GMFG: variants seen among roughly 807,000 people sequenced by gnomAD.
GMFG encodes glia maturation factor gamma.
GMFG carries 21 observed loss-of-function variants against 26.1 expected under a neutral mutation model. The observed-to-expected ratio is 0.80, with a 90% CI of 0.57 to 1.16. The LOEUF (loss-of-function observed/expected upper bound fraction) is 1.16. GMFG is among the 50% of genes most tolerant of loss of function. The probability of loss-of-function intolerance (pLI) is 0.00; values close to 1 mark genes in which losing one functional copy is unlikely to be tolerated. For missense variants in GMFG, 161 were observed against 178.3 expected (o/e 0.90, Z 0.55); for synonymous variants, 65 against 60.8 (o/e 1.07, Z -0.32).
intron 4 of GMFG, among the ~76,000 whole-genome samples, chr19:39,332,656 C>CTTTTTTTT (rs59277772): frequency 1.8e-5 from 2 of 111,298 alleles, no homozygotes; most frequent in African/African-American, 3.5e-5. Flanking sequence ...CACAGAGATT[C>CTTTTTTTT]TTTTTTTTTT....
intron 4 of GMFG, 122 bp downstream of exon 4, chr19:39,332,955 G>T: frequency 1.7e-6 from 1 of 591,284 alleles, no homozygotes. Flanking sequence ...CACCTCACTC[G>T]GCCAAACACA....
intron 4 of GMFG, 128 bp downstream of exon 4, chr19:39,332,949 T>A: frequency 1.8e-6 from 1 of 550,664 alleles, no homozygotes; most frequent in Non-Finnish European, 3.4e-6. Flanking sequence ...ATGAGCCACC[T>A]CACTCGGCCA....
Position 39,335,175 on chromosome 19 carries a change from T to A in GMFG, c.150+86A>T, listed in dbSNP as rs1299780887. ...CAATCTCCAGGTCTTTCTACCCCCA[T>A]GCCAGGCTCTTCATATCAGTTCCAA... On this transcript the variant is annotated intron_variant, in intron 3 of 6. Coordinates refer to ENST00000597595, the MANE Select transcript of GMFG (RefSeq NM_004877.4). The A allele has an allele frequency of 4.7e-6, 5 of 1,058,242 alleles. No individual in the cohort carries two copies. In the Admixed American group the frequency reaches 1.2e-4, roughly 25 times the overall value. The allele number at this position is 1,058,242 out of a possible 1,614,324, so 65.6% of individuals were successfully genotyped here.
At chr19:39,334,641 T>TC (rs1472198857) in intron 3 of GMFG, among the ~76,000 whole-genome samples, 1 of 152,164 alleles carries the variant, frequency 6.6e-6, no homozygotes, top group African/African-American at 2.4e-5. Flanking sequence ...ATTAAGATCA[T>TC]CATCACCTTA....
chr19:39,332,285 G>A (rs151114952), intron 4 of GMFG, among the ~76,000 whole-genome samples: 2,733 of 150,452 alleles, frequency 0.018, 38 homozygotes, highest in Non-Finnish European at 0.028. Flanking sequence ...AGTCAAGATC[G>A]CGCCACTGCA....
chr19:39,332,831 G>A (rs1478949862), intron 4 of GMFG: 2 of 288,784 alleles, frequency 6.9e-6, no homozygotes, highest in Non-Finnish European at 6.7e-6. Context: ...GTTAATTTTT[G>A]TATTTTTAGT....
chr19:39,333,220 G>C (rs879780884), intron 3 of GMFG, 94 bp from the exon 4 acceptor site: 1 of 604,788 alleles, frequency 1.7e-6, no homozygotes, highest in Admixed American at 2.8e-5. Flanking sequence ...CGAGGCAGGC[G>C]GATCACAAGG....
chr19:39,328,744 T>C (rs1349160210), intron 6 of GMFG, 196 bp from the exon 7 acceptor site: 6 of 608,926 alleles, frequency 9.9e-6, no homozygotes, highest in East Asian at 5.6e-5. Context: ...CCAGGTGTGG[T>C]GGCGTGTGCC....
At chr19:39,328,885 AAC>A (rs2075214420) in intron 6 of GMFG, 113 bp downstream of exon 6, 6 of 815,192 alleles carry the variant, frequency 7.4e-6, no homozygotes, top group African/African-American at 1.8e-5. Context: ...TCTTTAAAAA[AAC>A]AAAAACAAAA....
At chr19:39,328,764 A>G (rs756603952) in intron 6 of GMFG, 12 of 609,292 alleles carry the variant, frequency 2.0e-5, no homozygotes, top group Non-Finnish European at 3.5e-5. Flanking sequence ...CTGTCGTCCC[A>G]CTACTTGGGA....
At chr19:39,329,849 C>A (rs574963732) in intron 4 of GMFG, among the ~76,000 whole-genome samples, 1 of 152,068 alleles carries the variant, frequency 6.6e-6, no homozygotes, top group Non-Finnish European at 1.5e-5. Flanking sequence ...GAGGCCGAGG[C>A]GGGTGGATCA....
chr19:39,329,711 G>C, intron 4 of GMFG, 85 bp from the exon 5 acceptor site: 1 of 844,838 alleles, frequency 1.2e-6, no homozygotes, highest in Non-Finnish European at 2.0e-6. Context: ...GCCTTGAAAT[G>C]TTGGCTGAGT....
rs377300914 is a variant in GMFG, at chr19:39,335,991, C to T, written c.-15G>A. 6.2e-7 allele frequency: 1 copy of T among 1,601,580 alleles called. No individual in the cohort carries two copies. The highest frequency in any genetic ancestry group is 1.3e-5 in the African/African-American group (1 of 74,750). The stretch of plus-strand genomic sequence containing the variant: ...CCCCTGACCATGATTGTTCTGTCCA[C>T]AGGCCTCTTCTTTTCTTAGTTCCGC... On this transcript the variant is annotated 5_prime_UTR_variant, in exon 1 of 7. The change creates a new upstream start codon in the 5' untranslated region. Coordinates refer to ENST00000597595, the MANE Select transcript of GMFG (RefSeq NM_004877.4).
intron 4 of GMFG, 116 bp from the exon 5 acceptor site, chr19:39,329,742 T>C: frequency 1.4e-6 from 1 of 712,636 alleles, no homozygotes; most frequent in Non-Finnish European, 2.6e-6. Flanking sequence ...AGGGTTGATG[T>C]CTGGGACTCA....
intron 3 of GMFG, among the ~76,000 whole-genome samples, chr19:39,333,898 A>G (rs187485949): frequency 6.6e-5 from 10 of 152,052 alleles, no homozygotes; most frequent in African/African-American, 1.9e-4. Flanking sequence ...ATTCCCTTAT[A>G]AATCCTTATC....
intron 4 of GMFG, 38 bp downstream of exon 4, chr19:39,333,039 C>T (rs967784605): frequency 6.7e-7 from 1 of 1,482,156 alleles, no homozygotes; most frequent in South Asian, 1.1e-5. Flanking sequence ...CACCCCTCCC[C>T]TCATGGCCTG....
intron 3 of GMFG, among the ~76,000 whole-genome samples, chr19:39,333,608 C>T (rs1420273897): frequency 2.7e-5 from 4 of 150,878 alleles, no homozygotes; most frequent in African/African-American, 9.8e-5. Context: ...AAAAGAATGA[C>T]CACCTTTAGG....
At chr19:39,330,906 T>A (rs35543324) in intron 4 of GMFG, among the ~76,000 whole-genome samples, 12,838 of 152,030 alleles carry the variant, frequency 0.084, 625 homozygotes, top group African/African-American at 0.13. Flanking sequence ...GGCCTTTTTT[T>A]AAAAAATTTT....
At chr19:39,329,850 G>A (rs542508664) in intron 4 of GMFG, among the ~76,000 whole-genome samples, 8 of 152,208 alleles carry the variant, frequency 5.3e-5, no homozygotes, top group East Asian at 1.9e-4. Context: ...AGGCCGAGGC[G>A]GGTGGATCAC....
Sources: allele counts gnomAD v4.1 joint callset (sites outside exome capture counted in the v4.1 genomes callset), GRCh38; gene constraint gnomAD v4.1.1; transcripts MANE v1.5; gene names NCBI Gene and HGNC (gene_info 2026-07-23, HGNC 2026-07-21).